The following FDFT1 variants were observed in gnomAD, a reference collection of about 807,000 sequenced individuals.
FDFT1 encodes farnesyl-diphosphate farnesyltransferase 1.
FDFT1 carries 68 observed loss-of-function variants against 46.8 expected under a neutral mutation model. That is an observed-to-expected ratio of 1.45 (90% CI 1.19 to 1.78). The LOEUF is 1.78. Among genes scored for constraint, FDFT1 ranks in the 40% most tolerant of loss-of-function variants. The pLI is 0.00. For missense variants in FDFT1, 928 were observed against 524.4 expected, an observed-to-expected ratio of 1.77 and a Z score of -7.52; for synonymous variants, 351 against 185.1, an observed-to-expected ratio of 1.90 and a Z score of -7.28.
At chr8:11,817,947 G>C (rs914441055) in intron 3 of FDFT1, among the ~76,000 whole-genome samples, 3 of 151,944 alleles carry the variant, frequency 2.0e-5, no homozygotes, top group African/African-American at 7.2e-5. Context: ...TTTTAATTGT[G>C]ATGTTAAGGT....
chr8:11,829,448 C>G (rs185367175), intron 5 of FDFT1, among the ~76,000 whole-genome samples: 4 of 152,318 alleles, frequency 2.6e-5, no homozygotes, highest in East Asian at 1.9e-4. Context: ...AGAGGATAGA[C>G]TCAGCTCATT....
chr8:11,821,842 G>C lies in FDFT1; in HGVS notation c.474G>C (p.Leu158Phe), dbSNP rs781000480. 4.3e-6 allele frequency: 7 copies of C among 1,613,460 alleles called. No individual in the cohort carries two copies. The African/African-American group carries it at 9.3e-5, about 22-fold the overall frequency. Residue 158 changes from leucine (L) to phenylalanine (F), a missense_variant, in exon 4 of 8, where the codon TTG becomes TTC. By Grantham distance (22) the Leu-to-Phe change is conservative (BLOSUM62 0). Transcript: ENST00000220584. ...TGGGCATTGGGATGGCAGAGTTTTT[G>C]GATAAGCATGTGACCTCTGAACAGG... ...RRMGIGMAEF[L>F]DKHVTSEQEW...
At chr8:11,810,216 T>C (rs1423747169) in intron 3 of FDFT1, among the ~76,000 whole-genome samples, 1 of 152,234 alleles carries the variant, frequency 6.6e-6, no homozygotes, top group Non-Finnish European at 1.5e-5. Context: ...AAGTCCAGTG[T>C]TTCTTCCTGT....
intron 5 of FDFT1, among the ~76,000 whole-genome samples, chr8:11,827,897 A>AAACAC (rs1314531875): frequency 6.8e-6 from 1 of 146,462 alleles, no homozygotes; most frequent in Admixed American, 6.7e-5. Context: ...AAACAAAACA[A>AAACAC]AACAAAAAAA....
In FDFT1 at chr8:11,810,074, C is replaced by G. The variant is rs563993435; in HGVS notation, c.381+224C>G. The G allele has an allele frequency of 3.1e-4, 157 of 501,470 alleles. 1 individual carries two copies. In the South Asian group the frequency reaches 4.0e-3, roughly 13 times the overall value. 31.1% of individuals were successfully genotyped at this position (501,470 alleles called of 1,614,324 possible). A position where few individuals can be genotyped will look rare whatever the true frequency, so the allele number is the denominator to read the frequency against. On this transcript the variant is annotated intron_variant, in intron 3 of 7. Coordinates refer to ENST00000220584, the MANE Select transcript of FDFT1 (RefSeq NM_004462.5). ...ACTGTTGGTTACTTACAAAGACTCT[C>G]TGTGCCTCAGTTTCTTCATCTGTAA...
At chr8:11,799,926 C>G (rs1307899551), upstream of FDFT1, among the ~76,000 whole-genome samples, 1 of 138,488 alleles carries the variant, frequency 7.2e-6, no homozygotes, top group Non-Finnish European at 1.5e-5. Flanking sequence ...AGCCTCACGA[C>G]AGAGTGAGAC....
upstream of FDFT1, among the ~76,000 whole-genome samples, chr8:11,800,914 T>A (rs1563286879): frequency 6.6e-6 from 1 of 152,190 alleles, no homozygotes; most frequent in Non-Finnish European, 1.5e-5. Context: ...GGGAGGGCTG[T>A]CCAGTGGTAG....
At chr8:11,836,354 A>C (rs1435691199) in intron 7 of FDFT1, among the ~76,000 whole-genome samples, 1 of 152,200 alleles carries the variant, frequency 6.6e-6, no homozygotes, top group Non-Finnish European at 1.5e-5. Context: ...CCAGTTTCCA[A>C]GTAGGGCTGG....
chr8:11,819,965 C>T (rs1313049738), intron 3 of FDFT1, among the ~76,000 whole-genome samples: 16 of 152,086 alleles, frequency 1.1e-4, no homozygotes, highest in Admixed American at 9.8e-4. Flanking sequence ...GCTGTGGTTT[C>T]TCCCCATCTT....
intron 1 of FDFT1, among the ~76,000 whole-genome samples, chr8:11,805,123 C>T (rs1465732523): frequency 1.3e-5 from 2 of 151,902 alleles, no homozygotes; most frequent in African/African-American, 4.8e-5. Context: ...CGCTGCATTG[C>T]CCAGGCTGGT....
At chr8:11,819,517 A>G (rs1449763411) in intron 3 of FDFT1, among the ~76,000 whole-genome samples, 4 of 152,130 alleles carry the variant, frequency 2.6e-5, no homozygotes, top group Admixed American at 6.5e-5. Flanking sequence ...ACATAGTCGC[A>G]TATTTATTGA....
intron 3 of FDFT1, among the ~76,000 whole-genome samples, chr8:11,816,369 G>A (rs1003907952): frequency 1.4e-4 from 21 of 152,170 alleles, no homozygotes; most frequent in African/African-American, 4.6e-4. Context: ...TTGCTTCCAT[G>A]TGAAATTTAA....
chr8:11,808,902 G>T lies in FDFT1; in HGVS notation c.197+11G>T, dbSNP rs371021374. On this transcript the variant is annotated intron_variant, in intron 2 of 7. Transcript: ENST00000220584. ...GGATGGGGAAATGCGGTGAGTGATG[G>T]AGGCAGCGCCTCTGGCTTGGAGGAA... is the stretch of plus-strand genomic sequence containing the variant. The T allele has an allele frequency of 5.6e-6, 9 of 1,612,094 alleles. No homozygotes were observed. The highest frequency in any genetic ancestry group is 7.6e-6 in the Non-Finnish European group (9 of 1,179,154).
Position 11,837,352 on chromosome 8 carries a change from C to T in FDFT1, c.1033-1036C>T, listed in dbSNP as rs569257607. On this transcript the variant is annotated intron_variant, in intron 7 of 7. Transcript: ENST00000220584. ...CTCAAGTGATCTTCCCACCCCAGTC[C>T]CCAAGTAGCTGGGGGACCACAGGTG... Among the ~76,000 whole-genome samples, 6 of 152,278 alleles carry T rather than the reference C, an allele frequency of 3.9e-5. No homozygotes were observed. The South Asian group carries it at 1.2e-3, about 32-fold the overall frequency.
At chr8:11,826,242 A>G in intron 5 of FDFT1, 27 bp downstream of exon 5, 1 of 1,454,660 alleles carries the variant, frequency 6.9e-7, no homozygotes. Context: ...ATTTTGGGGG[A>G]AAATAACTTT....
intron 7 of FDFT1, among the ~76,000 whole-genome samples, chr8:11,837,215 T>C (rs1227787785): frequency 6.6e-6 from 1 of 152,090 alleles, no homozygotes; most frequent in Non-Finnish European, 1.5e-5. Flanking sequence ...GAAACAACAG[T>C]AGACAGTTGT....
chr8:11,808,940 A>G (rs780380893), intron 2 of FDFT1, 49 bp downstream of exon 2: 27 of 1,592,124 alleles, frequency 1.7e-5, no homozygotes, highest in Non-Finnish European at 1.8e-5. Context: ...CTTGTCCGGG[A>G]CCTTTGAGTG....
At chr8:11,802,502 C>G (rs1271798542), upstream of FDFT1, 1 of 500,850 alleles carries the variant, frequency 2.0e-6, no homozygotes, top group Non-Finnish European at 3.9e-6. Flanking sequence ...GCACCAATCC[C>G]GCTCGTCGGC....
upstream of FDFT1, chr8:11,802,259 C>T (rs913528849): frequency 1.3e-5 from 5 of 384,384 alleles, no homozygotes; most frequent in Admixed American, 1.3e-4. Flanking sequence ...CGGTTTTAGG[C>T]TCTACAGAGA....
Sources: allele counts gnomAD v4.1 joint callset (sites outside exome capture counted in the v4.1 genomes callset), GRCh38; gene constraint gnomAD v4.1.1; transcripts MANE v1.5; gene names NCBI Gene and HGNC (gene_info 2026-07-23, HGNC 2026-07-21).